Variants in GMDS observed in about 807,000 individuals in gnomAD.
GMDS encodes GDP-mannose 4,6 dehydratase.
In GMDS, 20 loss-of-function variants were observed where a neutral mutation model predicts 49.9. The ratio of observed to expected loss-of-function variants is 0.40; its 90% CI spans 0.28 to 0.58. The LOEUF (loss-of-function observed/expected upper bound fraction) is 0.58. GMDS is among the 20% of genes least tolerant of loss of function. The probability of loss-of-function intolerance (pLI) is 0.42; values close to 1 mark genes in which losing one functional copy is unlikely to be tolerated. For synonymous variants in GMDS, 177 were observed against 178.6 expected (o/e 0.99, Z 0.07); for missense variants, 362 against 481.4 (o/e 0.75, Z 2.32).
chr6:2,150,542 T>C (rs1002140065), intron 1 of GMDS, among the ~76,000 whole-genome samples: 2 of 152,196 alleles, frequency 1.3e-5, no homozygotes, highest in African/African-American at 4.8e-5. Flanking sequence ...TATAACAATG[T>C]CCTGTGGGAA....
chr6:1,792,210 C>A (rs995704847), intron 7 of GMDS, among the ~76,000 whole-genome samples: 8 of 151,774 alleles, frequency 5.3e-5, no homozygotes, highest in African/African-American at 1.7e-4. Flanking sequence ...TCTTTAAAAA[C>A]CCATCCCCTT....
intron 9 of GMDS, among the ~76,000 whole-genome samples, chr6:1,703,792 C>T (rs553627159): frequency 3.3e-5 from 5 of 152,342 alleles, no homozygotes; most frequent in South Asian, 4.1e-4. Context: ...CACCAGTGGC[C>T]GCAGGGCCAA....
intron 2 of GMDS, among the ~76,000 whole-genome samples, chr6:2,118,571 T>C (rs1360046830): frequency 6.6e-6 from 1 of 152,232 alleles, no homozygotes; most frequent in Non-Finnish European, 1.5e-5. Context: ...AAGACTTTCT[T>C]TCAAACAGAA....
rs1211692541 is a variant in GMDS, at chr6:1,960,757, T to C, written c.538+17A>G. On this transcript the variant is annotated intron_variant, in intron 5 of 10. Coordinates refer to ENST00000380815, the MANE Select transcript of GMDS (RefSeq NM_001500.4). ...ATAACGCCACACATGTGCTCCGGTG[T>C]GCACGCATGTTCTCACCATAGGGTG... is the stretch of plus-strand genomic sequence containing the variant. The C allele has an allele frequency of 6.6e-6, 10 of 1,518,148 alleles. No individual in the cohort carries two copies. The African/African-American group carries it at 8.2e-5, about 12-fold the overall frequency. The allele number at this position is 1,518,148 out of a possible 1,614,324, so 94.0% of individuals were successfully genotyped here.
Position 1,833,126 on chromosome 6 carries a change from CTTTTTTTTTTT to C in GMDS, c.772-90551_772-90541del, listed in dbSNP as rs34633662. On this transcript the variant is annotated intron_variant, in intron 7 of 10. Transcript: ENST00000380815. This position sits in a 1 kb window ranked among gnomAD's most constrained non-coding sequence, Gnocchi z 4.4. ...ACCCGGCAGTGGAGCGTATGAAAGC[CTTTTTTTTTTT>C]TTTTTTTTTTTTAAACTAATGCACT... Among the ~76,000 whole-genome samples, 3 of 123,394 alleles carry C rather than the reference CTTTTTTTTTTT, an allele frequency of 2.4e-5. No individual in the cohort carries two copies. Among genetic ancestry groups the C allele is most frequent in the Non-Finnish European group, 5.0e-5 (3 of 59,582 alleles). 81.0% of individuals were successfully genotyped at this position (123,394 alleles called of 152,430 possible).
chr6:1,812,158 G>A (rs1770456614), intron 7 of GMDS, among the ~76,000 whole-genome samples: 1 of 152,188 alleles, frequency 6.6e-6, no homozygotes, highest in Non-Finnish European at 1.5e-5. Flanking sequence ...AAAACTCACA[G>A]AGGCAACATT....
At chr6:2,205,744 A>T (rs1354998106) in intron 1 of GMDS, among the ~76,000 whole-genome samples, 1 of 150,084 alleles carries the variant, frequency 6.7e-6, no homozygotes, top group Non-Finnish European at 1.5e-5. Context: ...ACTCTTTTTC[A>T]CTCTTCAGTC....
chr6:2,106,080 T>G (rs897210658), intron 4 of GMDS, among the ~76,000 whole-genome samples: 2 of 152,212 alleles, frequency 1.3e-5, no homozygotes, highest in African/African-American at 2.4e-5. Flanking sequence ...CACTTTAAAT[T>G]AACATTTCCA....
At chr6:1,684,191 G>T (rs1428728931) in intron 9 of GMDS, among the ~76,000 whole-genome samples, 3 of 152,158 alleles carry the variant, frequency 2.0e-5, no homozygotes, top group Non-Finnish European at 4.4e-5. Flanking sequence ...ACCGTGCTGT[G>T]TGAGCATCCG....
At chr6:1,628,268 T>C (rs910179069) in intron 9 of GMDS, among the ~76,000 whole-genome samples, 3 of 152,254 alleles carry the variant, frequency 2.0e-5, no homozygotes, top group Admixed American at 6.5e-5. Flanking sequence ...GGAGAGACCA[T>C]AGTGTGCCAT....
At chr6:1,777,857 C>G (rs1768903662) in intron 7 of GMDS, among the ~76,000 whole-genome samples, 1 of 152,112 alleles carries the variant, frequency 6.6e-6, no homozygotes, top group Admixed American at 6.5e-5. Context: ...AGCTTTAAAC[C>G]TGTTAAAGAA....
At chr6:1,677,109 A>C (rs1764649808) in intron 9 of GMDS, among the ~76,000 whole-genome samples, 1 of 152,264 alleles carries the variant, frequency 6.6e-6, no homozygotes, top group Admixed American at 6.5e-5. Flanking sequence ...CCTATCAAAA[A>C]GTGGGCAAAG....
rs549641892 is a variant in GMDS, at chr6:1,751,275, C to T, written c.772-8689G>A. Among the ~76,000 whole-genome samples, 130 of 152,304 alleles carry T rather than the reference C, an allele frequency of 8.5e-4. 1 individual carries two copies. Among genetic ancestry groups the T allele is most frequent in the Middle Eastern group, 3.4e-3 (1 of 294 alleles). ...GTCCCTGACCCCCGTGCCTCCTGAC[C>T]GGGAGATACCTCCTAGCAGGGGTTG... On this transcript the variant is annotated intron_variant, in intron 7 of 10. Coordinates refer to ENST00000380815, the MANE Select transcript of GMDS (RefSeq NM_001500.4).
chr6:1,800,562 G>C (rs1378104620), intron 7 of GMDS, among the ~76,000 whole-genome samples: 2 of 151,756 alleles, frequency 1.3e-5, no homozygotes, highest in Non-Finnish European at 2.9e-5. Flanking sequence ...TCAGCCTCCT[G>C]AGTAGGTGGG....
intron 1 of GMDS, among the ~76,000 whole-genome samples, chr6:2,132,669 G>A (rs946068665): frequency 5.9e-5 from 9 of 152,174 alleles, no homozygotes; most frequent in African/African-American, 2.2e-4. Flanking sequence ...TATACTGGAT[G>A]GCACAGTGCC....
At chr6:2,222,249 A>G (rs1414309854) in intron 1 of GMDS, among the ~76,000 whole-genome samples, 3 of 152,214 alleles carry the variant, frequency 2.0e-5, no homozygotes, top group Non-Finnish European at 2.9e-5. Flanking sequence ...GTTTACTCCG[A>G]TCCTGTCAAT....
At chr6:1,704,777 G>A (rs570396839) in intron 9 of GMDS, among the ~76,000 whole-genome samples, 35 of 151,818 alleles carry the variant, frequency 2.3e-4, no homozygotes, top group South Asian at 1.7e-3. Flanking sequence ...CCCTGCCTGC[G>A]TGGAGCTTGC....
intron 4 of GMDS, among the ~76,000 whole-genome samples, chr6:1,964,659 A>T (rs1419998216): frequency 6.6e-6 from 1 of 152,204 alleles, no homozygotes; most frequent in Non-Finnish European, 1.5e-5. Context: ...TAGGGAATCC[A>T]ATTTAGATCA....
chr6:2,156,595 T>C (rs1201215428), intron 1 of GMDS, among the ~76,000 whole-genome samples: 2 of 152,182 alleles, frequency 1.3e-5, no homozygotes, highest in East Asian at 1.9e-4. Flanking sequence ...TAGTGATACT[T>C]TGTTTTAAGA....
Sources: gnomAD v4.1 joint callset for allele counts (sites outside exome capture counted in the v4.1 genomes callset) on GRCh38, gnomAD v4.1.1 for gene constraint, Gnocchi (gnomAD v3.1) non-coding constraint, MANE v1.5 for transcripts, NCBI Gene and HGNC (gene_info 2026-07-23, HGNC 2026-07-21) for gene names.